Variants in IFFO2 observed in about 807,000 individuals in gnomAD.
IFFO2 encodes intermediate filament family orphan 2.
IFFO2 carries 19 observed loss-of-function variants against 53.5 expected under a neutral mutation model. The observed-to-expected ratio is 0.36, with a 90% CI of 0.25 to 0.52. IFFO2 has a LOEUF of 0.52. Ranked by LOEUF, IFFO2 falls within the 20% of genes least tolerant of loss-of-function variation. The pLI, the probability that IFFO2 is intolerant of heterozygous loss-of-function variation, is 0.94. For synonymous variants in IFFO2, 303 were observed against 313.6 expected (o/e 0.97, Z 0.36); for missense variants, 570 against 727.4 (o/e 0.78, Z 2.49).
Position 18,955,842 on chromosome 1 carries a change from T to A in IFFO2, c.491A>T (p.Tyr164Phe). ...GCCGCCCGTGCGCCGCACCTGCGTG[T>A]AGCTCCAGATGGTCCCGGGCAGGCG... Reference protein sequence around the residue: ...YGRLPGTIWSYTQVRRTGGGG... With the variant: ...YGRLPGTIWSFTQVRRTGGGG... The change falls in exon 1 of 9, where the codon TAC becomes TTC. Residue 164 changes from tyrosine (Y) to phenylalanine (F), a missense_variant. Physicochemically the swap from Tyr to Phe is conservative, Grantham distance 22. Transcript: ENST00000455833. The A allele has an allele frequency of 6.6e-7, 1 of 1,504,762 alleles. No homozygotes were observed. Among genetic ancestry groups the A allele is most frequent in the Admixed American group, 2.1e-5 (1 of 47,632 alleles). 93.2% of individuals were successfully genotyped at this position (1,504,762 alleles called of 1,614,324 possible). A position where few individuals can be genotyped will look rare whatever the true frequency, so the allele number is the denominator to read the frequency against.
intron 5 of IFFO2, among the ~76,000 whole-genome samples, 166 bp from the exon 6 acceptor site, chr1:18,912,249 G>C (rs1432424464): frequency 6.6e-6 from 1 of 152,170 alleles, no homozygotes; most frequent in Admixed American, 6.5e-5. Flanking sequence ...TCCAAAAGGA[G>C]TTTAACTCTT....
Position 18,906,267 on chromosome 1 carries a change from A to T in IFFO2, c.*2294T>A, listed in dbSNP as rs1277756829. 1 of 152,216 alleles carries T rather than the reference A, an allele frequency of 6.6e-6. No homozygotes were observed. The highest frequency in any genetic ancestry group is 1.9e-4 in the East Asian group (1 of 5,198). 9.4% of individuals were successfully genotyped at this position (152,216 alleles called of 1,614,324 possible). A position where few individuals can be genotyped will look rare whatever the true frequency, so the allele number is the denominator to read the frequency against. ...ACTCCCTAGAGTACCCTAGTCCTCA[A>T]AGACAAATGACCTATGTATACAAGG... On this transcript the variant is annotated 3_prime_UTR_variant, in exon 9 of 9. Transcript: ENST00000455833.
chr1:18,955,065 G>A (rs775644974), intron 1 of IFFO2, among the ~76,000 whole-genome samples: 1 of 152,180 alleles, frequency 6.6e-6, no homozygotes, highest in East Asian at 1.9e-4. Context: ...TGGCCCCAGG[G>A]GGTAGGGGCA....
rs192095542 is a variant in IFFO2, at chr1:18,928,813, G to T, written c.666-7692C>A. On this transcript the variant is annotated intron_variant, in intron 1 of 8. Coordinates refer to ENST00000455833, the MANE Select transcript of IFFO2 (RefSeq NM_001136265.2). The surrounding 1 kb of genome is among the most constrained non-coding windows in gnomAD (Gnocchi z 4.9). ...AATAGGATCTCCCAAAATCCCTCGG[G>T]ACATGACATTTGCAGTGTTATTTGC... Among the ~76,000 whole-genome samples the T allele has an allele frequency of 7.9e-5, 12 of 152,302 alleles. No homozygotes were observed. The highest frequency in any genetic ancestry group is 2.6e-4 in the Admixed American group (4 of 15,294).
chr1:18,937,739 G>A (rs2148183230), intron 1 of IFFO2, among the ~76,000 whole-genome samples: 1 of 152,352 alleles, frequency 6.6e-6, no homozygotes, highest in South Asian at 2.1e-4. Flanking sequence ...ACAGCATTAT[G>A]GAGGCTCCCA....
chr1:18,949,035 G>A (rs1000190922), intron 1 of IFFO2, among the ~76,000 whole-genome samples: 10 of 152,198 alleles, frequency 6.6e-5, no homozygotes, highest in Non-Finnish European at 1.3e-4. Flanking sequence ...CCAGCACCCT[G>A]CACTGCCAGG....
chr1:18,927,421 A>G (rs932569252), intron 1 of IFFO2, among the ~76,000 whole-genome samples: 2 of 152,214 alleles, frequency 1.3e-5, no homozygotes, highest in Non-Finnish European at 2.9e-5. Flanking sequence ...GGCAGAGAGC[A>G]GCTTCCTTCC....
rs3748586 is a variant in IFFO2 at position 18,917,095 on chromosome 1, A to G, written c.964-53T>C. The G allele has an allele frequency of 0.54, 838,390 of 1,541,272 alleles. 233,211 individuals are homozygous for G. Among genetic ancestry groups the G allele is most frequent in the Middle Eastern group, 0.6 (3,568 of 5,948 alleles). ...AACTGGGGGGCTCGGCTAGGATGGAAGGTAGGGGTGAACTGGGAAGGGAGC... is the reference window on the plus strand; with the variant it reads ...AACTGGGGGGCTCGGCTAGGATGGAGGGTAGGGGTGAACTGGGAAGGGAGC... On this transcript the variant is annotated intron_variant, in intron 4 of 8. Transcript: ENST00000455833. The surrounding 1 kb of genome is among the most constrained non-coding windows in gnomAD (Gnocchi z 5.9).
intron 7 of IFFO2, among the ~76,000 whole-genome samples, chr1:18,911,139 C>CA (rs199885667): frequency 6.6e-6 from 1 of 151,574 alleles, no homozygotes; most frequent in South Asian, 2.1e-4. Flanking sequence ...ATGGGATCAT[C>CA]TCAGCTACAT....
Position 18,919,887 on chromosome 1 carries a change from C to A in IFFO2, c.727-114G>T. Reference sequence around the variant, plus strand: ...CCCGATGTCCACCCCAGCTGGGCACCTGCAGCCAGGGAAGGGGCACCAAGG... The same window carrying A: ...CCCGATGTCCACCCCAGCTGGGCACATGCAGCCAGGGAAGGGGCACCAAGG... On this transcript the variant is annotated intron_variant, in intron 2 of 8. Transcript: ENST00000455833. The surrounding 1 kb of genome is among the most constrained non-coding windows in gnomAD (Gnocchi z 4.9). The A allele has an allele frequency of 1.5e-6, 1 of 684,944 alleles. No homozygotes were observed. Among genetic ancestry groups the A allele is most frequent in the South Asian group, 1.8e-5 (1 of 56,346 alleles). 42.4% of individuals were successfully genotyped at this position (684,944 alleles called of 1,614,324 possible). A position where few individuals can be genotyped will look rare whatever the true frequency, so the allele number is the denominator to read the frequency against.
At chr1:18,946,581 A>ATTTTTTTGTAT (rs1189057393) in intron 1 of IFFO2, among the ~76,000 whole-genome samples, 2 of 151,396 alleles carry the variant, frequency 1.3e-5, no homozygotes, top group Non-Finnish European at 2.9e-5. Flanking sequence ...TGCCCGGCTA[A>ATTTTTTTGTAT]TTTTTTTGTA....
At chr1:18,953,633 A>G (rs541240604) in intron 1 of IFFO2, among the ~76,000 whole-genome samples, 1 of 152,274 alleles carries the variant, frequency 6.6e-6, no homozygotes, top group South Asian at 2.1e-4. Flanking sequence ...CCTGCTTTGG[A>G]AAAATCCAAC....
At position 18,947,373 on chromosome 1, in the gene IFFO2, T is replaced by C. The variant is rs1936603891; in HGVS notation, c.665+8295A>G. ...GGGGCCGGGCAAGATAAATGGAGCATTAATTGAGAGCCTGAGATCCACAGC... is the reference window on the plus strand; with the variant it reads ...GGGGCCGGGCAAGATAAATGGAGCACTAATTGAGAGCCTGAGATCCACAGC... On this transcript the variant is annotated intron_variant, in intron 1 of 8. Transcript: ENST00000455833. The surrounding 1 kb of genome is among the most constrained non-coding windows in gnomAD (Gnocchi z 5.0). Among the ~76,000 whole-genome samples, 1 of 152,160 alleles carries C rather than the reference T, an allele frequency of 6.6e-6. No individual in the cohort carries two copies. The highest frequency in any genetic ancestry group is 2.1e-4 in the South Asian group (1 of 4,830).
chr1:18,956,672 G>C lies in IFFO2; in HGVS notation c.-340C>G, dbSNP rs1465966615. ...GCCGCACGCAGAGGACTCTCGGCCG[G>C]CACTGCCCCTTCTGCGGCGGGCCCC... On this transcript the variant is annotated 5_prime_UTR_variant, in exon 1 of 9. Coordinates refer to ENST00000455833, the MANE Select transcript of IFFO2 (RefSeq NM_001136265.2). This position sits in a 1 kb window ranked among gnomAD's most constrained non-coding sequence, Gnocchi z 6.4. 2.6e-5 allele frequency: 4 copies of C among 152,278 alleles called. No individual in the cohort carries two copies. In the East Asian group the frequency reaches 7.8e-4, roughly 30 times the overall value. The allele number at this position is 152,278 out of a possible 1,614,324, so 9.4% of individuals were successfully genotyped here.
chr1:18,913,364 T>A (rs1428633527), intron 5 of IFFO2, among the ~76,000 whole-genome samples: 1 of 152,220 alleles, frequency 6.6e-6, no homozygotes. Flanking sequence ...GGTCACTGCA[T>A]CACACACTCA....
rs1184993909 is a variant in IFFO2, at chr1:18,956,259, C to A, written c.74G>T (p.Cys25Phe). 4 of 983,080 alleles carry A rather than the reference C, an allele frequency of 4.1e-6. No individual in the cohort carries two copies. In the Admixed American group the frequency reaches 2.0e-4, roughly 48 times the overall value. The allele number at this position is 983,080 out of a possible 1,614,324, so 60.9% of individuals were successfully genotyped here. Reference sequence around the variant, plus strand: ...GCCGCCGCCGCCGCCCCCGCCAGGGCAGCCCCCGCCGCCGCCGCCCGGCGG... The same window carrying A: ...GCCGCCGCCGCCGCCCCCGCCAGGGAAGCCCCCGCCGCCGCCGCCCGGCGG... Reference protein sequence around the residue: ...GCPPGGGGGGCPGGGGGGGGA... With the variant: ...GCPPGGGGGGFPGGGGGGGGA... Residue 25 changes from cysteine (C) to phenylalanine (F), a missense_variant, in exon 1 of 9, where the codon TGC (cysteine) becomes TTC (phenylalanine). Transcript: ENST00000455833. The surrounding 1 kb of genome is among the most constrained non-coding windows in gnomAD (Gnocchi z 6.4).
At position 18,924,971 on chromosome 1, in the gene IFFO2, C is replaced by T. The variant is rs554930726; in HGVS notation, c.666-3850G>A. 2.4e-4 allele frequency among the ~76,000 whole-genome samples: 36 copies of T among 152,346 alleles called. No individual in the cohort carries two copies. The South Asian group carries it at 7.0e-3, about 30-fold the overall frequency. On this transcript the variant is annotated intron_variant, in intron 1 of 8. Transcript: ENST00000455833. ...ACTTTACAAGTGGGAAAATGAAGACCCAGGGCCTATGGACAACTCCAGCCA... is the reference window on the plus strand; with the variant it reads ...ACTTTACAAGTGGGAAAATGAAGACTCAGGGCCTATGGACAACTCCAGCCA...
intron 8 of IFFO2, among the ~76,000 whole-genome samples, chr1:18,909,054 C>A (rs1298257159): frequency 2.0e-5 from 3 of 151,858 alleles, no homozygotes; most frequent in African/African-American, 7.3e-5. Context: ...AGTTCTGATT[C>A]TATCTCGGAT....
chr1:18,921,071 G>A lies in IFFO2; in HGVS notation c.716C>T (p.Thr239Met), dbSNP rs1207803492. 9.7e-6 allele frequency: 15 copies of A among 1,551,780 alleles called. No homozygotes were observed. In the Admixed American group the frequency reaches 1.2e-4, roughly 12 times the overall value. Residue 239 changes from threonine to methionine, a missense_variant, in exon 2 of 9, where the codon ACG (threonine) becomes ATG (methionine). Transcript: ENST00000455833. The stretch of plus-strand genomic sequence containing the variant: ...TCGGAGGGCTCTTACCTCCTGCAGC[G>A]TGTCCACCATGGTCTGAAGGTTCAT... Reference protein sequence around the residue: ...KRMNLQTMVDTLQEAAQEADA... With the variant: ...KRMNLQTMVDMLQEAAQEADA...
Sources: allele counts gnomAD v4.1 joint callset (sites outside exome capture counted in the v4.1 genomes callset), GRCh38; gene constraint gnomAD v4.1.1; non-coding constraint Gnocchi (gnomAD v3.1); transcripts MANE v1.5; gene names NCBI Gene and HGNC (gene_info 2026-07-23, HGNC 2026-07-21).